Variants in ITFG1 observed in about 807,000 individuals in gnomAD.
ITFG1 encodes T-cell immunomodulatory protein.
ITFG1 carries 34 observed loss-of-function variants against 81.8 expected under a neutral mutation model. That is an observed-to-expected ratio of 0.42 (90% CI 0.32 to 0.55). The LOEUF (loss-of-function observed/expected upper bound fraction) is 0.55, where lower values mean the gene tolerates loss of function less well. Ranked by LOEUF, ITFG1 falls within the 20% of genes least tolerant of loss-of-function variation. The pLI, the probability that ITFG1 is intolerant of heterozygous loss-of-function variation, is 0.17. For synonymous variants in ITFG1, 285 were observed against 270.6 expected, an observed-to-expected ratio of 1.05 and a Z score of -0.52; for missense variants, 672 against 755.4, an observed-to-expected ratio of 0.89 and a Z score of 1.29.
At chr16:47,220,618 A>G (rs539675424) in intron 13 of ITFG1, among the ~76,000 whole-genome samples, 1 of 152,350 alleles carries the variant, frequency 6.6e-6, no homozygotes, top group South Asian at 2.1e-4. Context: ...ATATTAACAA[A>G]TGTTATTTAA....
chr16:47,409,235 T>C (rs1174552609), intron 6 of ITFG1, among the ~76,000 whole-genome samples: 1 of 149,698 alleles, frequency 6.7e-6, no homozygotes, highest in Non-Finnish European at 1.5e-5. Flanking sequence ...AAATTAGATC[T>C]GTGCTGCTAA....
At chr16:47,332,917 AT>A (rs1967654336) in intron 8 of ITFG1, among the ~76,000 whole-genome samples, 1 of 152,264 alleles carries the variant, frequency 6.6e-6, no homozygotes, top group Non-Finnish European at 1.5e-5. Context: ...TTACGAGGTT[AT>A]TCATCTATGA....
chr16:47,354,268 C>A (rs61078258), intron 8 of ITFG1, among the ~76,000 whole-genome samples: 12,503 of 152,114 alleles, frequency 0.082, 947 homozygotes, highest in African/African-American at 0.2. Context: ...GCCAGCTGAT[C>A]TTTGACAAAG....
chr16:47,366,260 G>A (rs966787955), intron 7 of ITFG1, among the ~76,000 whole-genome samples: 4 of 152,078 alleles, frequency 2.6e-5, no homozygotes, highest in Admixed American at 1.3e-4. Context: ...GATTTCTGAC[G>A]GTAACACATA....
At chr16:47,335,143 G>C (rs1967686067) in intron 8 of ITFG1, among the ~76,000 whole-genome samples, 1 of 152,162 alleles carries the variant, frequency 6.6e-6, no homozygotes, top group African/African-American at 2.4e-5. Context: ...GATCACCTGA[G>C]GTCAGGAGTT....
chr16:47,393,145 T>C, intron 6 of ITFG1, among the ~76,000 whole-genome samples: 1 of 152,220 alleles, frequency 6.6e-6, no homozygotes, highest in East Asian at 1.9e-4. Context: ...AGCACTGCCA[T>C]TTTAGGGCAA....
At chr16:47,203,117 G>A (rs561887005) in intron 14 of ITFG1, among the ~76,000 whole-genome samples, 68 of 152,300 alleles carry the variant, frequency 4.5e-4, no homozygotes, top group Non-Finnish European at 8.5e-4. Flanking sequence ...AACTGGGGGA[G>A]TGAATAGAAA....
At position 47,421,305 on chromosome 16, in the gene ITFG1, CAT is replaced by C. The variant is rs1491211143; in HGVS notation, c.655+7497_655+7498del. Among the ~76,000 whole-genome samples, 1,275 of 143,426 alleles carry C rather than the reference CAT, an allele frequency of 8.9e-3. 12 individuals carry two copies. Among genetic ancestry groups the C allele is most frequent in the African/African-American group, 0.025 (868 of 34,652 alleles). 94.1% of individuals were successfully genotyped at this position (143,426 alleles called of 152,430 possible). On this transcript the variant is annotated intron_variant, in intron 6 of 17. Transcript: ENST00000320640. ...ACACACACACACACACACACACACACATACATATTTTTTTTTTCTGAGATGGA... is the reference window on the plus strand; with the variant it reads ...ACACACACACACACACACACACACACACATATTTTTTTTTTCTGAGATGGA...
intron 6 of ITFG1, among the ~76,000 whole-genome samples, chr16:47,392,449 G>C (rs1425688218): frequency 6.6e-6 from 1 of 152,150 alleles, no homozygotes; most frequent in Non-Finnish European, 1.5e-5. Flanking sequence ...AAATAGAGCA[G>C]GAGAGGAGGA....
intron 8 of ITFG1, among the ~76,000 whole-genome samples, chr16:47,362,092 T>C (rs1190015226): frequency 6.6e-6 from 1 of 152,208 alleles, no homozygotes; most frequent in Non-Finnish European, 1.5e-5. Context: ...ATCACCCTTT[T>C]TTAGGTAATT....
chr16:47,200,455 G>A (rs1965411684), intron 14 of ITFG1, among the ~76,000 whole-genome samples: 1 of 152,138 alleles, frequency 6.6e-6, no homozygotes, highest in Admixed American at 6.5e-5. Context: ...CAAAAGTGAT[G>A]ATGACAATGA....
rs1372491459 is a variant in ITFG1 at position 47,161,736 on chromosome 16, A to G, written c.1661+14T>C. On this transcript the variant is annotated intron_variant, in intron 16 of 17. Coordinates refer to ENST00000320640, the MANE Select transcript of ITFG1 (RefSeq NM_030790.5). ...GCAGTGTCTTTACCAAATCGGTTCA[A>G]GCAAGTACATTACCTTCGAGGGACA... The G allele has an allele frequency of 3.2e-6, 5 of 1,570,042 alleles. 1 individual carries two copies. The South Asian group carries it at 3.3e-5, about 10-fold the overall frequency.
intron 2 of ITFG1, among the ~76,000 whole-genome samples, chr16:47,456,988 T>C (rs927867381): frequency 3.9e-5 from 6 of 152,088 alleles, no homozygotes; most frequent in Admixed American, 1.3e-4. Flanking sequence ...TAGAAAACTA[T>C]GCAATCTATT....
At chr16:47,336,720 T>G (rs147132388) in intron 8 of ITFG1, among the ~76,000 whole-genome samples, 2 of 152,012 alleles carry the variant, frequency 1.3e-5, no homozygotes, top group Non-Finnish European at 2.9e-5. Flanking sequence ...TCCCAGCACT[T>G]TGGGAGGCCG....
intron 13 of ITFG1, among the ~76,000 whole-genome samples, chr16:47,226,432 T>C (rs561752359): frequency 6.6e-6 from 1 of 152,306 alleles, no homozygotes; most frequent in African/African-American, 2.4e-5. Context: ...GCAGGTTTGT[T>C]ACATATGTAT....
At chr16:47,428,735 G>C (rs928358291) in intron 6 of ITFG1, 69 bp downstream of exon 6, 2 of 907,190 alleles carry the variant, frequency 2.2e-6, no homozygotes, top group Admixed American at 3.7e-5. Flanking sequence ...TAAATACAAA[G>C]TGTACAGTAA....
At chr16:47,238,595 AAT>A (rs1965900419) in intron 12 of ITFG1, among the ~76,000 whole-genome samples, 1 of 152,228 alleles carries the variant, frequency 6.6e-6, no homozygotes, top group Non-Finnish European at 1.5e-5. Flanking sequence ...TTATCTAAAT[AAT>A]ATGAGTTCTG....
chr16:47,412,677 CAG>C (rs1352851833), intron 6 of ITFG1, among the ~76,000 whole-genome samples: 2 of 127,854 alleles, frequency 1.6e-5, no homozygotes, highest in Middle Eastern at 4.2e-3. Flanking sequence ...TCCTGTGTGA[CAG>C]AGCAAGACTC....
chr16:47,446,865 T>C (rs1395092236), intron 5 of ITFG1, among the ~76,000 whole-genome samples: 1 of 152,026 alleles, frequency 6.6e-6, no homozygotes, highest in Non-Finnish European at 1.5e-5. Context: ...TACTGGTTTT[T>C]TCTTTTTTTT....
Sources: gnomAD v4.1 joint callset for allele counts (sites outside exome capture counted in the v4.1 genomes callset) on GRCh38, gnomAD v4.1.1 for gene constraint, MANE v1.5 for transcripts, NCBI Gene and HGNC (gene_info 2026-07-23, HGNC 2026-07-21) for gene names.